Variants in ADAMTS3 observed in about 807,000 individuals in gnomAD.
ADAMTS3 encodes the protein A disintegrin and metalloproteinase with thrombospondin motifs 3.
In ADAMTS3, 73 loss-of-function variants were observed where a neutral mutation model predicts 129.0. The ratio of observed to expected loss-of-function variants is 0.57; its 90% CI spans 0.47 to 0.69. The LOEUF is 0.69. Ranked by LOEUF, ADAMTS3 falls within the 30% of genes least tolerant of loss-of-function variation. The pLI is 0.00. For missense variants in ADAMTS3, 1,457 were observed against 1,514.5 expected (o/e 0.96, Z 0.63); for synonymous variants, 477 against 510.8 (o/e 0.93, Z 0.89).
intron 3 of ADAMTS3, among the ~76,000 whole-genome samples, chr4:72,519,074 T>G (rs541790951): frequency 0.032 from 4,840 of 150,628 alleles, 247 homozygotes; most frequent in African/African-American, 0.11. Context: ...CTGTAAAGGA[T>G]TTTATTTCTC....
intron 3 of ADAMTS3, among the ~76,000 whole-genome samples, chr4:72,442,452 G>A (rs1216151722): frequency 6.6e-6 from 1 of 151,668 alleles, no homozygotes; most frequent in African/African-American, 2.4e-5. Flanking sequence ...CAAGACGGAG[G>A]AAGCAAGAGA....
At chr4:72,310,223 G>A (rs1719195726) in intron 14 of ADAMTS3, among the ~76,000 whole-genome samples, 1 of 152,142 alleles carries the variant, frequency 6.6e-6, no homozygotes, top group South Asian at 2.1e-4. Context: ...AAGGTTTTCT[G>A]AACCAAGGCA....
intron 2 of ADAMTS3, 122 bp from the exon 3 acceptor site, chr4:72,549,006 C>T (rs921186093): frequency 2.5e-6 from 2 of 794,572 alleles, no homozygotes; most frequent in Non-Finnish European, 3.7e-6. Flanking sequence ...ATAGACATTC[C>T]TGAATCAGCT....
intron 3 of ADAMTS3, among the ~76,000 whole-genome samples, chr4:72,469,553 T>A (rs1019367971): frequency 1.3e-5 from 2 of 152,142 alleles, no homozygotes; most frequent in African/African-American, 4.8e-5. Context: ...TGCTATCTAA[T>A]CCCTCACCTC....
chr4:72,439,246 T>A lies in ADAMTS3; in HGVS notation c.505-24275A>T, dbSNP rs569675602. ...TTAAGTTTTTAGTCACAAAATACAGTTTGAAATCTTACTTTTACAGTAATT... is the reference window on the plus strand; with the variant it reads ...TTAAGTTTTTAGTCACAAAATACAGATTGAAATCTTACTTTTACAGTAATT... On this transcript the variant is annotated intron_variant, in intron 3 of 21. Coordinates refer to ENST00000286657, the MANE Select transcript of ADAMTS3 (RefSeq NM_014243.3). 6.6e-5 allele frequency among the ~76,000 whole-genome samples: 10 copies of A among 151,832 alleles called. No homozygotes were observed. The South Asian group carries it at 1.9e-3, about 28-fold the overall frequency.
At chr4:72,415,178 T>C (rs1377218889) in intron 3 of ADAMTS3, among the ~76,000 whole-genome samples, 1 of 151,908 alleles carries the variant, frequency 6.6e-6, no homozygotes, top group Non-Finnish European at 1.5e-5. Flanking sequence ...AAATGAAAAA[T>C]TCATATTAAG....
chr4:72,470,011 G>A (rs889712391), intron 3 of ADAMTS3, among the ~76,000 whole-genome samples: 1 of 152,132 alleles, frequency 6.6e-6, no homozygotes, highest in Admixed American at 6.6e-5. Flanking sequence ...TCACTGCATG[G>A]GGGTTGGTTG....
intron 15 of ADAMTS3, among the ~76,000 whole-genome samples, chr4:72,308,780 T>C (rs2109793741): frequency 6.6e-6 from 1 of 152,070 alleles, no homozygotes; most frequent in South Asian, 2.1e-4. Flanking sequence ...GAACCTTCAG[T>C]GTATGTCTAA....
chr4:72,568,643 G>A lies in ADAMTS3; in HGVS notation c.69+51C>T, dbSNP rs778308344. 2.8e-6 allele frequency: 4 copies of A among 1,433,712 alleles called. No individual in the cohort carries two copies. In the East Asian group the frequency reaches 9.5e-5, roughly 34 times the overall value. The allele number at this position is 1,433,712 out of a possible 1,614,324, so 88.8% of individuals were successfully genotyped here. Reference sequence around the variant, plus strand: ...AGGGTAGAGAGGGGAGGAACTTTTCGGGAAAAGGTTGGGTTTGAGTTTTTT... The same window carrying A: ...AGGGTAGAGAGGGGAGGAACTTTTCAGGAAAAGGTTGGGTTTGAGTTTTTT... On this transcript the variant is annotated intron_variant, in intron 1 of 21. Coordinates refer to ENST00000286657, the MANE Select transcript of ADAMTS3 (RefSeq NM_014243.3).
chr4:72,292,623 C>T (rs138359700), intron 19 of ADAMTS3, among the ~76,000 whole-genome samples: 1 of 152,340 alleles, frequency 6.6e-6, no homozygotes, highest in Non-Finnish European at 1.5e-5. Context: ...CACAGTTCTC[C>T]AGTACACATG....
At chr4:72,293,624 G>A (rs578166238) in intron 19 of ADAMTS3, among the ~76,000 whole-genome samples, 63 of 152,138 alleles carry the variant, frequency 4.1e-4, no homozygotes, top group Middle Eastern at 3.4e-3. Flanking sequence ...CAATAAAATA[G>A]CTGAGTCAGA....
rs374131974 is a variant in ADAMTS3 at position 72,283,164 on chromosome 4, G to A, written c.3590C>T (p.Pro1197Leu). 11 of 1,611,068 alleles carry A rather than the reference G, an allele frequency of 6.8e-6. No individual in the cohort carries two copies. The highest frequency in any genetic ancestry group is 1.7e-4 in the Middle Eastern group (1 of 6,054). ...KDGKIIDNRRPTRSSTLER is the reference protein window; with the variant it reads ...KDGKIIDNRRLTRSSTLER Reference sequence around the variant, plus strand: ...TCTTTCTAAGGTGGATGATCTTGTCGGACGTCTGTTGTCAATGATCTTTCC... The same window carrying A: ...TCTTTCTAAGGTGGATGATCTTGTCAGACGTCTGTTGTCAATGATCTTTCC... Residue 1197 changes from proline (P) to leucine (L), a missense_variant, in exon 22 of 22, where the codon CCG (proline) becomes CTG (leucine). Pro to Leu is a moderately conservative substitution (Grantham distance 98). Coordinates refer to ENST00000286657, the MANE Select transcript of ADAMTS3 (RefSeq NM_014243.3).
At chr4:72,530,549 A>T (rs1258932467) in intron 3 of ADAMTS3, among the ~76,000 whole-genome samples, 1 of 82,910 alleles carries the variant, frequency 1.2e-5, no homozygotes, top group African/African-American at 5.0e-5. Flanking sequence ...ATTAATTTAA[A>T]ATATATTGAT....
intron 5 of ADAMTS3, among the ~76,000 whole-genome samples, chr4:72,329,903 T>G (rs1017146154): frequency 3.9e-5 from 6 of 152,056 alleles, no homozygotes; most frequent in Non-Finnish European, 7.4e-5. Flanking sequence ...GCTCAAGGTT[T>G]GTTTGTTTGT....
chr4:72,543,713 G>A (rs978363336), intron 3 of ADAMTS3, among the ~76,000 whole-genome samples: 34 of 152,156 alleles, frequency 2.2e-4, no homozygotes, highest in Admixed American at 1.2e-3. Context: ...GCTATAGGGC[G>A]GTAGAAATGG....
chr4:72,522,268 T>C (rs183900111), intron 3 of ADAMTS3, among the ~76,000 whole-genome samples: 1 of 152,296 alleles, frequency 6.6e-6, no homozygotes, highest in East Asian at 1.9e-4. Flanking sequence ...TCATCCTCAA[T>C]ATTCACAACA....
In ADAMTS3 at chr4:72,476,013, A is replaced by G. The variant is rs555165004; in HGVS notation, c.505-61042T>C. 1.1e-4 allele frequency among the ~76,000 whole-genome samples: 16 copies of G among 152,186 alleles called. No individual in the cohort carries two copies. In the South Asian group the frequency reaches 3.3e-3, roughly 32 times the overall value. On this transcript the variant is annotated intron_variant, in intron 3 of 21. Transcript: ENST00000286657. ...ATTTACAGCATGCAATACATACATTAGAAAAAAGAAAAATCTCGAATCAAT... is the reference window on the plus strand; with the variant it reads ...ATTTACAGCATGCAATACATACATTGGAAAAAAGAAAAATCTCGAATCAAT...
chr4:72,321,786 TC>T (rs1231739771), intron 6 of ADAMTS3, among the ~76,000 whole-genome samples: 4 of 151,922 alleles, frequency 2.6e-5, no homozygotes, highest in Non-Finnish European at 5.9e-5. Context: ...AAACAAAAAC[TC>T]CCATTTTTTT....
In ADAMTS3 at chr4:72,303,916, C is replaced by A. The variant is rs1241137982; in HGVS notation, c.2424+1G>T. On this transcript the variant is annotated splice_donor_variant, in intron 17 of 21. Transcript: ENST00000286657. LOFTEE classifies it high-confidence loss of function. ...TACCATGAGCCCATAATGCCACATA[C>A]CAAAACAATAACAGGATCATGTAAA... 1 of 1,613,106 alleles carries A rather than the reference C, an allele frequency of 6.2e-7. No individual in the cohort carries two copies.
Sources: gnomAD v4.1 joint callset for allele counts (sites outside exome capture counted in the v4.1 genomes callset) on GRCh38, gnomAD v4.1.1 for gene constraint, MANE v1.5 for transcripts, NCBI Gene and HGNC (gene_info 2026-07-23, HGNC 2026-07-21) for gene names.